TACR3: variants seen among roughly 807,000 people sequenced by gnomAD.
The protein encoded by TACR3 is tachykinin receptor 3, also known as neuromedin-K receptor.
Under a neutral mutation model 35.0 loss-of-function variants are expected in TACR3, and 34 were observed. The observed-to-expected ratio is 0.97, with a 90% CI of 0.74 to 1.30. TACR3 has a LOEUF of 1.30. Among genes scored for constraint, TACR3 ranks in the 50% most tolerant of loss-of-function variants. The pLI, the probability that TACR3 is intolerant of heterozygous loss-of-function variation, is 0.00. For missense variants in TACR3, 558 were observed against 591.7 expected (o/e 0.94, Z 0.59); for synonymous variants, 233 against 221.1 (o/e 1.05, Z -0.48).
At chr4:103,682,314 G>A (rs1463858468) in intron 1 of TACR3, among the ~76,000 whole-genome samples, 1 of 152,032 alleles carries the variant, frequency 6.6e-6, no homozygotes, top group Non-Finnish European at 1.5e-5. Context: ...ACCCAAGAGT[G>A]GATAATTTAA....
chr4:103,666,556 C>T (rs1472810404), intron 1 of TACR3, among the ~76,000 whole-genome samples: 1 of 152,060 alleles, frequency 6.6e-6, no homozygotes, highest in Admixed American at 6.6e-5. Flanking sequence ...GTACCATACA[C>T]TCTAAGAACT....
chr4:103,605,170 T>C (rs1293707458), intron 3 of TACR3, among the ~76,000 whole-genome samples: 2 of 148,570 alleles, frequency 1.3e-5, no homozygotes, highest in African/African-American at 2.5e-5. Flanking sequence ...TCATTTTTTA[T>C]GGCTGCATAG....
chr4:103,671,666 A>G (rs1416783955), intron 1 of TACR3, among the ~76,000 whole-genome samples: 2 of 151,886 alleles, frequency 1.3e-5, no homozygotes, highest in South Asian at 2.1e-4. Context: ...TTATTTATTT[A>G]TATTTTCTCT....
At chr4:103,664,174 C>G (rs1012102798) in intron 1 of TACR3, among the ~76,000 whole-genome samples, 1 of 152,166 alleles carries the variant, frequency 6.6e-6, no homozygotes, top group Non-Finnish European at 1.5e-5. Flanking sequence ...AGTTTTAAAG[C>G]CACCTCTTAA....
intron 3 of TACR3, among the ~76,000 whole-genome samples, chr4:103,609,984 G>GT (rs1176495650): frequency 6.6e-6 from 1 of 151,840 alleles, no homozygotes; most frequent in Non-Finnish European, 1.5e-5. Flanking sequence ...ATTGTATTGC[G>GT]TATATAACCA....
chr4:103,627,662 C>A (rs951364563), intron 3 of TACR3, among the ~76,000 whole-genome samples: 2 of 152,128 alleles, frequency 1.3e-5, no homozygotes, highest in Non-Finnish European at 1.5e-5. Context: ...TAGAGACCTA[C>A]AAAGAGACTT....
chr4:103,631,872 C>A (rs1483854865), intron 3 of TACR3, among the ~76,000 whole-genome samples: 2 of 152,116 alleles, frequency 1.3e-5, no homozygotes, highest in African/African-American at 4.8e-5. Flanking sequence ...CTAGAATTTG[C>A]TTGTGATAAA....
intron 3 of TACR3, among the ~76,000 whole-genome samples, chr4:103,634,769 T>C (rs1458365481): frequency 6.6e-6 from 1 of 152,130 alleles, no homozygotes; most frequent in East Asian, 1.9e-4. Context: ...TTCCAGTCTC[T>C]CAGTATCCAT....
At chr4:103,681,682 C>A (rs1413342436) in intron 1 of TACR3, among the ~76,000 whole-genome samples, 1 of 151,948 alleles carries the variant, frequency 6.6e-6, no homozygotes, top group Non-Finnish European at 1.5e-5. Flanking sequence ...ATTTCATAAT[C>A]TTTTTAGAAC....
chr4:103,663,750 G>A (rs971948368), intron 1 of TACR3, among the ~76,000 whole-genome samples: 6 of 152,174 alleles, frequency 3.9e-5, no homozygotes, highest in African/African-American at 1.2e-4. Flanking sequence ...TTTGGAATTC[G>A]TTTGGGCACC....
chr4:103,657,752 A>G (rs1473618955), intron 2 of TACR3, among the ~76,000 whole-genome samples: 1 of 152,044 alleles, frequency 6.6e-6, no homozygotes, highest in Non-Finnish European at 1.5e-5. Context: ...AGGTTTTTTA[A>G]TGCTTTTTGC....
intron 3 of TACR3, among the ~76,000 whole-genome samples, chr4:103,601,659 G>A (rs1724205211): frequency 6.6e-6 from 1 of 152,080 alleles, no homozygotes; most frequent in Non-Finnish European, 1.5e-5. Flanking sequence ...TAGTTTGGCT[G>A]GATATGAAAT....
chr4:103,670,136 G>A (rs1214287540), intron 1 of TACR3, among the ~76,000 whole-genome samples: 4 of 151,866 alleles, frequency 2.6e-5, no homozygotes, highest in African/African-American at 9.7e-5. Context: ...AAAATGAACT[G>A]GTTGCAAACA....
intron 1 of TACR3, among the ~76,000 whole-genome samples, chr4:103,660,228 C>A (rs1725812594): frequency 6.6e-6 from 1 of 151,672 alleles, no homozygotes; most frequent in Admixed American, 6.6e-5. Flanking sequence ...AGTCTTAATT[C>A]ATTATGTATA....
At chr4:103,706,628 G>C (rs1035366350) in intron 1 of TACR3, among the ~76,000 whole-genome samples, 1 of 152,078 alleles carries the variant, frequency 6.6e-6, no homozygotes, top group Non-Finnish European at 1.5e-5. Context: ...AAAAACTGGG[G>C]GGAGCATTGC....
At chr4:103,677,092 A>C (rs536846519) in intron 1 of TACR3, among the ~76,000 whole-genome samples, 44 of 152,346 alleles carry the variant, frequency 2.9e-4, no homozygotes, top group Non-Finnish European at 6.0e-4. Flanking sequence ...ACATGTGGCC[A>C]ACAAACATAT....
intron 1 of TACR3, among the ~76,000 whole-genome samples, chr4:103,673,886 C>T (rs1488547580): frequency 6.6e-6 from 1 of 152,184 alleles, no homozygotes; most frequent in African/African-American, 2.4e-5. Flanking sequence ...ATTAGCTATA[C>T]ATGATACTCT....
In TACR3 at chr4:103,719,623, C is replaced by T. The variant is rs1163815753; in HGVS notation, c.53G>A (p.Gly18Asp). 3 of 1,613,730 alleles carry T rather than the reference C, an allele frequency of 1.9e-6. No individual in the cohort carries two copies. The highest frequency in any genetic ancestry group is 2.5e-6 in the Non-Finnish European group (3 of 1,179,952). ...GGCGGTCAGGTTCACGGCGTCTGCA[C>T]CCACGCCTCCACCCCCGTCTATCCA... ...ETWIDGGGGV[G>D]ADAVNLTASL... The change falls in exon 1 of 5, where the codon GGT becomes GAT. Residue 18 changes from glycine to aspartate, a missense_variant. By Grantham distance (94) the Gly-to-Asp change is moderately conservative. Transcript: ENST00000304883.
chr4:103,603,446 C>G (rs1444244997), intron 3 of TACR3, among the ~76,000 whole-genome samples: 1 of 152,234 alleles, frequency 6.6e-6, no homozygotes, highest in African/African-American at 2.4e-5. Context: ...GAACCCGGTA[C>G]CTCAGTTGGA....
Sources: gnomAD v4.1 joint callset for allele counts (sites outside exome capture counted in the v4.1 genomes callset) on GRCh38, gnomAD v4.1.1 for gene constraint, MANE v1.5 for transcripts, NCBI Gene and HGNC (gene_info 2026-07-23, HGNC 2026-07-21) for gene names.